The following RAP2C variants were observed in gnomAD, a reference collection of about 807,000 sequenced individuals.
The protein encoded by RAP2C is ras-related protein Rap-2c.
RAP2C carries 3 observed loss-of-function variants against 8.9 expected under a neutral mutation model. That is an observed-to-expected ratio of 0.34 (90% CI 0.15 to 0.87). The LOEUF is 0.87. Ranked by LOEUF, RAP2C falls within the 40% of genes least tolerant of loss-of-function variation. RAP2C has a pLI of 0.51. For synonymous variants in RAP2C, 60 were observed against 52.1 expected (o/e 1.15, Z -0.65); for missense variants, 76 against 133.7 (o/e 0.57, Z 2.13).
At chrX:132,218,562 A>T (rs189516422) in intron 1 of RAP2C, 1 of 112,004 alleles carries the variant, frequency 8.9e-6, no homozygotes. Flanking sequence ...CAGAAAGTTT[A>T]TTCTCCTTGC....
At chrX:132,212,292 A>G (rs1027366234) in intron 5 of RAP2C, among the ~76,000 whole-genome samples, 31 of 111,861 alleles carry the variant, frequency 2.8e-4, no homozygotes, top group African/African-American at 9.1e-4. Context: ...ATACAAATAT[A>G]GTTGGCTTGA....
intron 5 of RAP2C, among the ~76,000 whole-genome samples, chrX:132,209,968 G>A (rs770766592): frequency 4.5e-5 from 5 of 111,010 alleles, no homozygotes; most frequent in African/African-American, 1.6e-4. Context: ...CCCAAGGTTC[G>A]CTGAGGGCCT....
In RAP2C at chrX:132,204,542, G is replaced by A. The variant is rs903067746; in HGVS notation, c.*1080C>T. On this transcript the variant is annotated 3_prime_UTR_variant, in exon 6 of 6. Coordinates refer to ENST00000370874, the MANE Select transcript of RAP2C (RefSeq NM_001271186.2). The stretch of plus-strand genomic sequence containing the variant: ...GTTACACAGATTTTGTCTCTAATAC[G>A]AACATGCTTCTTGAGAAATAACTAA... The A allele has an allele frequency of 4.5e-5, 5 of 112,074 alleles. No individual in the cohort carries two copies. The highest frequency in any genetic ancestry group is 1.6e-4 in the African/African-American group (5 of 30,778). The allele number at this position is 112,074 out of a possible 1,213,427, so 9.2% of individuals were successfully genotyped here. A position where few individuals can be genotyped will look rare whatever the true frequency, so the allele number is the denominator to read the frequency against.
At chrX:132,209,397 A>G (rs768568352) in intron 5 of RAP2C, among the ~76,000 whole-genome samples, 22 of 112,409 alleles carry the variant, frequency 2.0e-4, no homozygotes, top group Non-Finnish European at 3.9e-4. Flanking sequence ...ATTAGACCAG[A>G]TAAGTTAGTA....
In RAP2C at chrX:132,217,647, C is replaced by T. The variant is rs919900741; in HGVS notation, c.-379G>A. ...GCGGACGTCGGAGGAGCCCGCAGCC[C>T]GGGGCTGCCCGGCACTCCTCCCCCG... On this transcript the variant is annotated 5_prime_UTR_variant, in exon 4 of 6. Transcript: ENST00000370874. 2.9e-5 allele frequency: 4 copies of T among 136,019 alleles called. No homozygotes were observed. Among genetic ancestry groups the T allele is most frequent in the Non-Finnish European group, 5.8e-5 (4 of 68,893 alleles). The allele number at this position is 136,019 out of a possible 1,213,427, so 11.2% of individuals were successfully genotyped here. A position where few individuals can be genotyped will look rare whatever the true frequency, so the allele number is the denominator to read the frequency against.
In RAP2C at chrX:132,217,388, G is replaced by A; in HGVS notation, c.-120C>T. 1 of 612,400 alleles carries A rather than the reference G, an allele frequency of 1.6e-6. No individual in the cohort carries two copies. The highest frequency in any genetic ancestry group is 4.0e-5 in the East Asian group (1 of 24,939). 50.5% of individuals were successfully genotyped at this position (612,400 alleles called of 1,213,427 possible). ...GCGAACTGGGGAGGAGAGTGCAGAG[G>A]AGCAGAGGGCCCAACCGGGGAAGAA... On this transcript the variant is annotated 5_prime_UTR_variant, in exon 4 of 6. Coordinates refer to ENST00000370874, the MANE Select transcript of RAP2C (RefSeq NM_001271186.2).
intron 5 of RAP2C, 43 bp downstream of exon 5, chrX:132,214,091 A>G: frequency 9.2e-7 from 1 of 1,084,384 alleles, no homozygotes; most frequent in African/African-American, 1.8e-5. Flanking sequence ...TTGATCAAAA[A>G]ACAAAACACT....
At chrX:132,211,746 A>C (rs1026540867) in intron 5 of RAP2C, among the ~76,000 whole-genome samples, 3 of 112,246 alleles carry the variant, frequency 2.7e-5, no homozygotes, top group Non-Finnish European at 5.6e-5. Context: ...ACAACCAATT[A>C]ACAACAATAA....
rs1359368120 is a variant in RAP2C, at chrX:132,203,264, A to T, written c.*2358T>A. The T allele has an allele frequency of 6.2e-5, 7 of 112,120 alleles. No homozygotes were observed. Among genetic ancestry groups the T allele is most frequent in the African/African-American group, 2.3e-4 (7 of 30,824 alleles). 9.2% of individuals were successfully genotyped at this position (112,120 alleles called of 1,213,427 possible). A position where few individuals can be genotyped will look rare whatever the true frequency, so the allele number is the denominator to read the frequency against. ...TTATTTGCAGAGCCCTACTGCAGTG[A>T]TTTGAACAACTCCTAAATAGATGCC... On this transcript the variant is annotated 3_prime_UTR_variant, in exon 6 of 6. Coordinates refer to ENST00000370874, the MANE Select transcript of RAP2C (RefSeq NM_001271186.2).
intron 4 of RAP2C, among the ~76,000 whole-genome samples, chrX:132,215,260 T>A (rs1041945176): frequency 1.8e-5 from 2 of 111,219 alleles, no homozygotes; most frequent in Non-Finnish European, 3.8e-5. Context: ...GGGCAAGTAT[T>A]GATTTAATAC....
At chrX:132,211,067 G>A (rs1930415906) in intron 5 of RAP2C, among the ~76,000 whole-genome samples, 1 of 110,198 alleles carries the variant, frequency 9.1e-6, no homozygotes, top group Non-Finnish European at 1.9e-5. Context: ...GTCCCCAGGG[G>A]GCATTTGGCA....
At position 132,203,205 on chromosome X, in the gene RAP2C, G is replaced by A. The variant is rs1930169359; in HGVS notation, c.*2417C>T. ...TTTACCTTTCACTGATAAAGTTACAGTACATTAGATCCATGATAATAGGTT... is the reference window on the plus strand; with the variant it reads ...TTTACCTTTCACTGATAAAGTTACAATACATTAGATCCATGATAATAGGTT... On this transcript the variant is annotated 3_prime_UTR_variant, in exon 6 of 6. Transcript: ENST00000370874. 1 of 111,975 alleles carries A rather than the reference G, an allele frequency of 8.9e-6. No homozygotes were observed. The highest frequency in any genetic ancestry group is 3.2e-5 in the African/African-American group (1 of 30,770). The allele number at this position is 111,975 out of a possible 1,213,427, so 9.2% of individuals were successfully genotyped here. A position where few individuals can be genotyped will look rare whatever the true frequency, so the allele number is the denominator to read the frequency against.
chrX:132,204,999 A>AC lies in RAP2C; in HGVS notation c.*622dup, dbSNP rs1491398362. ...TAATTACAAAAAAAAAAAAAAAAAA[A>AC]CAAAACACATCACAAACTGCACTTG... On this transcript the variant is annotated 3_prime_UTR_variant, in exon 6 of 6. Transcript: ENST00000370874. The AC allele has an allele frequency of 1.3e-3, 138 of 105,705 alleles. No individual in the cohort carries two copies. Among genetic ancestry groups the AC allele is most frequent in the African/African-American group, 4.2e-3 (123 of 28,998 alleles). 8.7% of individuals were successfully genotyped at this position (105,705 alleles called of 1,213,427 possible).
Position 132,217,365 on chromosome X carries a change from G to T in RAP2C, c.-97C>A. 1 of 806,378 alleles carries T rather than the reference G, an allele frequency of 1.2e-6. No individual in the cohort carries two copies. The highest frequency in any genetic ancestry group is 1.7e-6 in the Non-Finnish European group (1 of 599,381). 66.5% of individuals were successfully genotyped at this position (806,378 alleles called of 1,213,427 possible). On this transcript the variant is annotated 5_prime_UTR_variant, in exon 4 of 6. Coordinates refer to ENST00000370874, the MANE Select transcript of RAP2C (RefSeq NM_001271186.2). The stretch of plus-strand genomic sequence containing the variant: ...AGGCGGAAGGTGGGCGGAAATCTGC[G>T]AACTGGGGAGGAGAGTGCAGAGGAG...
chrX:132,208,455 G>A (rs1930334327), intron 5 of RAP2C, among the ~76,000 whole-genome samples: 1 of 109,786 alleles, frequency 9.1e-6, no homozygotes, highest in South Asian at 3.8e-4. Context: ...TATTTAATTA[G>A]CATTTTATTT....
chrX:132,217,094 C>T lies in RAP2C; in HGVS notation c.175G>A (p.Ala59Thr). Residue 59 changes from alanine (A) to threonine (T), a missense_variant, in exon 4 of 6, where the codon GCA becomes ACA. Physicochemically the swap from Ala to Thr is moderately conservative, Grantham distance 58 (BLOSUM62 0). Coordinates refer to ENST00000370874, the MANE Select transcript of RAP2C (RefSeq NM_001271186.2). Reference protein sequence around the residue: ...SPSVLEILDTAGTEQFASMRD... With the variant: ...SPSVLEILDTTGTEQFASMRD... ...ATGGAGGCAAACTGCTCAGTTCCTG[C>T]GGTGTCCAGAATTTCCAGCACGGAG... is the stretch of plus-strand genomic sequence containing the variant. The T allele has an allele frequency of 8.3e-7, 1 of 1,201,102 alleles. No individual in the cohort carries two copies. Among genetic ancestry groups the T allele is most frequent in the Non-Finnish European group, 1.1e-6 (1 of 889,976 alleles).
In RAP2C at chrX:132,217,577, G is replaced by A; in HGVS notation, c.-309C>T. The A allele has an allele frequency of 4.7e-6, 1 of 211,688 alleles. No individual in the cohort carries two copies. Among genetic ancestry groups the A allele is most frequent in the East Asian group, 7.9e-5 (1 of 12,603 alleles). 17.4% of individuals were successfully genotyped at this position (211,688 alleles called of 1,213,427 possible). ...GGGTGGCGAGGAGGCGCGTGCCCCC[G>A]GGAGGGAAAGGGTGGGGGCTGCGGC... On this transcript the variant is annotated 5_prime_UTR_variant, in exon 4 of 6. Coordinates refer to ENST00000370874, the MANE Select transcript of RAP2C (RefSeq NM_001271186.2).
At chrX:132,215,403 G>A (rs890412204) in intron 4 of RAP2C, among the ~76,000 whole-genome samples, 1 of 111,402 alleles carries the variant, frequency 9.0e-6, no homozygotes, top group African/African-American at 3.3e-5. Flanking sequence ...GTGGGCCTAC[G>A]GAAAAGCAAG....
intron 5 of RAP2C, among the ~76,000 whole-genome samples, chrX:132,211,034 G>A (rs1229365116): frequency 1.8e-5 from 2 of 110,291 alleles, no homozygotes; most frequent in Non-Finnish European, 3.8e-5. Flanking sequence ...TAACTCGGTG[G>A]CGCTTAACCA....
Sources: allele counts gnomAD v4.1 joint callset (sites outside exome capture counted in the v4.1 genomes callset), GRCh38; gene constraint gnomAD v4.1.1; transcripts MANE v1.5; gene names NCBI Gene and HGNC (gene_info 2026-07-23, HGNC 2026-07-21).